Variants in CUBN observed in about 807,000 individuals in gnomAD.
CUBN encodes 460 kDa receptor.
CUBN carries 282 observed loss-of-function variants against 405.3 expected under a neutral mutation model. The observed-to-expected ratio is 0.70, with a 90% CI of 0.63 to 0.77. The LOEUF (loss-of-function observed/expected upper bound fraction) is 0.77. CUBN is among the 30% of genes least tolerant of loss of function. CUBN has a pLI of 0.00. For missense variants in CUBN, 4,514 were observed against 4,475.2 expected, an observed-to-expected ratio of 1.01 and a Z score of -0.25; for synonymous variants, 1,684 against 1,617.0, an observed-to-expected ratio of 1.04 and a Z score of -0.99.
chr10:16,971,796 T>C (rs1397620665), intron 31 of CUBN, among the ~76,000 whole-genome samples: 3 of 152,100 alleles, frequency 2.0e-5, no homozygotes, highest in African/African-American at 2.4e-5. Flanking sequence ...ACACAACTTA[T>C]ATTTCTCCAT....
At chr10:17,011,374 A>G (rs1834174958) in intron 28 of CUBN, among the ~76,000 whole-genome samples, 1 of 152,010 alleles carries the variant, frequency 6.6e-6, no homozygotes, top group African/African-American at 2.4e-5. Flanking sequence ...TTAGGAGTGA[A>G]GCTGCAGACC....
rs187412788 is a variant in CUBN, at chr10:16,950,711, T to C, written c.4970-600A>G. On this transcript the variant is annotated intron_variant, in intron 33 of 66. Coordinates refer to ENST00000377833, the MANE Select transcript of CUBN (RefSeq NM_001081.4). Reference sequence around the variant, plus strand: ...TGCTTTTGAAACTGCCTGTGGCATCTGAAACACTGGCAGTGGTAAATAAGA... The same window carrying C: ...TGCTTTTGAAACTGCCTGTGGCATCCGAAACACTGGCAGTGGTAAATAAGA... Among the ~76,000 whole-genome samples the C allele has an allele frequency of 1.3e-3, 199 of 152,344 alleles. 2 individuals carry two copies. The highest frequency in any genetic ancestry group is 3.8e-3 in the African/African-American group (158 of 41,592).
At chr10:16,827,558 A>T (rs1164063902) in intron 66 of CUBN, among the ~76,000 whole-genome samples, 3 of 152,310 alleles carry the variant, frequency 2.0e-5, no homozygotes, top group Non-Finnish European at 4.4e-5. Flanking sequence ...GGGCAGAAAA[A>T]TCAGAAACAG....
rs147373223 is a variant in CUBN at position 16,990,383 on chromosome 10, T to C, written c.4301A>G (p.His1434Arg). 45 of 1,614,084 alleles carry C rather than the reference T, an allele frequency of 2.8e-5. No individual in the cohort carries two copies. Among genetic ancestry groups the C allele is most frequent in the African/African-American group, 8.0e-5 (6 of 74,938 alleles). Residue 1434 changes from histidine to arginine, a missense_variant, in exon 29 of 67, where the codon CAT (histidine) becomes CGT (arginine). Physicochemically the swap from His to Arg is conservative, Grantham distance 29 (BLOSUM62 0). This residue lies in a region of CUBN where 1,613 missense variants were observed against 1,542.8 expected (regional missense o/e 1.05). Coordinates refer to ENST00000377833, the MANE Select transcript of CUBN (RefSeq NM_001081.4). ...TGAATGATACTCCACATCGAAGTCATGGATGGTGAGCTGAATGCTACTCCC... is the reference window on the plus strand; with the variant it reads ...TGAATGATACTCCACATCGAAGTCACGGATGGTGAGCTGAATGCTACTCCC... ...DPGSSIQLTI[H>R]DFDVEYHSRC...
chr10:16,846,648 C>T (rs12355556), intron 60 of CUBN, among the ~76,000 whole-genome samples: 6,097 of 151,926 alleles, frequency 0.04, 180 homozygotes, highest in Non-Finnish European at 0.063. Context: ...CCCGTCTCTA[C>T]TAAAAATACA....
At chr10:17,022,774 T>C (rs1312066862) in intron 27 of CUBN, among the ~76,000 whole-genome samples, 1 of 152,226 alleles carries the variant, frequency 6.6e-6, no homozygotes, top group African/African-American at 2.4e-5. Flanking sequence ...GTGGAGTAAT[T>C]AGCAAGCAAA....
chr10:17,107,494 CTTTTT>C (rs34281338), intron 10 of CUBN, among the ~76,000 whole-genome samples: 3 of 91,802 alleles, frequency 3.3e-5, no homozygotes, highest in African/African-American at 4.1e-5. Context: ...ATAAGTTGTT[CTTTTT>C]TTTTTTTTTT....
At chr10:17,006,023 C>T (rs7084057) in intron 28 of CUBN, among the ~76,000 whole-genome samples, 87,412 of 151,914 alleles carry the variant, frequency 0.58, 25,130 homozygotes, top group East Asian at 0.63. Context: ...AGGCAGCATC[C>T]GCAAGCCAAG....
rs1464073539 is a variant in CUBN, at chr10:16,828,912, A to T, written c.10657T>A (p.Phe3553Ile). 1 of 1,614,026 alleles carries T rather than the reference A, an allele frequency of 6.2e-7. No individual in the cohort carries two copies. Among genetic ancestry groups the T allele is most frequent in the African/African-American group, 1.3e-5 (1 of 74,902 alleles). Residue 3553 changes from phenylalanine to isoleucine, a missense_variant, in exon 66 of 67, where the codon TTC becomes ATC. Physicochemically the swap from Phe to Ile is conservative, Grantham distance 21. Coordinates refer to ENST00000377833, the MANE Select transcript of CUBN (RefSeq NM_001081.4). ...GGATCGTCAATGCTGATGAAGTAGA[A>T]GTTGATGGTGACAAGCCTTCCAGCA... ...APAGRLVTIN[F>I]YFISIDDPGD...
intron 17 of CUBN, 45 bp from the exon 18 acceptor site, chr10:17,072,016 T>G (rs762259425): frequency 2.2e-5 from 33 of 1,528,372 alleles, no homozygotes. Flanking sequence ...ATAAAGAAAC[T>G]TACGTCGGCA....
At chr10:17,126,127 A>C (rs536337655) in intron 4 of CUBN, among the ~76,000 whole-genome samples, 97 of 152,312 alleles carry the variant, frequency 6.4e-4, no homozygotes, top group African/African-American at 2.3e-3. Flanking sequence ...TGGAATCCCC[A>C]GATTTTTATG....
intron 28 of CUBN, among the ~76,000 whole-genome samples, chr10:17,001,268 G>A (rs1361294664): frequency 6.6e-6 from 1 of 152,190 alleles, no homozygotes; most frequent in South Asian, 2.1e-4. Flanking sequence ...AAAGAACAAA[G>A]CTTCCACAGC....
At chr10:17,017,378 G>A (rs1834354544) in intron 28 of CUBN, among the ~76,000 whole-genome samples, 1 of 152,088 alleles carries the variant, frequency 6.6e-6, no homozygotes, top group African/African-American at 2.4e-5. Context: ...AGAAAAATTG[G>A]ATTTAGTGGC....
rs370204654 is a variant in CUBN, at chr10:16,939,023, A to T, written c.5673T>A (p.His1891Gln). 4.3e-6 allele frequency: 7 copies of T among 1,613,798 alleles called. No homozygotes were observed. Among genetic ancestry groups the T allele is most frequent in the Non-Finnish European group, 5.9e-6 (7 of 1,179,854 alleles). Residue 1891 changes from histidine (H) to glutamine (Q), a missense_variant, in exon 38 of 67, where the codon CAT becomes CAA. Around this residue, in one of 5 missense-constraint regions of CUBN, gnomAD observed 1,613 missense variants for 1,542.8 expected, o/e 1.05. Coordinates refer to ENST00000377833, the MANE Select transcript of CUBN (RefSeq NM_001081.4). ...TVNVNASHVVHGRILEMDIEE... is the reference protein window; with the variant it reads ...TVNVNASHVVQGRILEMDIEE... ...CTATGTCCATCTCCAAGATTCTACCATGGACAACGTGAGATGCATTCACAT... is the reference window on the plus strand; with the variant it reads ...CTATGTCCATCTCCAAGATTCTACCTTGGACAACGTGAGATGCATTCACAT...
intron 59 of CUBN, among the ~76,000 whole-genome samples, chr10:16,863,994 G>A (rs904084391): frequency 7.9e-5 from 12 of 152,126 alleles, no homozygotes; most frequent in Non-Finnish European, 1.8e-4. Context: ...TTACCTCCCT[G>A]TGTAGAGCTT....
intron 33 of CUBN, among the ~76,000 whole-genome samples, chr10:16,950,353 GA>G (rs1227437644): frequency 4.3e-4 from 66 of 152,050 alleles, no homozygotes; most frequent in African/African-American, 1.5e-3. Flanking sequence ...TGAAGGGATG[GA>G]TACCCCATTT....
At chr10:16,971,388 C>T (rs576775676) in intron 31 of CUBN, among the ~76,000 whole-genome samples, 1 of 152,254 alleles carries the variant, frequency 6.6e-6, no homozygotes, top group Admixed American at 6.5e-5. Context: ...AGCTTCCAGC[C>T]TTGCCAGGGC....
intron 28 of CUBN, among the ~76,000 whole-genome samples, chr10:16,990,892 C>T (rs562951736): frequency 6.6e-5 from 10 of 152,224 alleles, no homozygotes; most frequent in South Asian, 2.1e-4. Flanking sequence ...GAGCCGTGGT[C>T]GTGAACTTCA....
chr10:17,088,575 T>A (rs952251843), intron 14 of CUBN, among the ~76,000 whole-genome samples: 1 of 152,226 alleles, frequency 6.6e-6, no homozygotes, highest in South Asian at 2.1e-4. Flanking sequence ...TCTGTGCTTG[T>A]GAGCCATCAC....
Sources: allele counts gnomAD v4.1 joint callset (sites outside exome capture counted in the v4.1 genomes callset), GRCh38; gene constraint gnomAD v4.1.1; regional missense constraint gnomAD v4.1.1; transcripts MANE v1.5; gene names NCBI Gene and HGNC (gene_info 2026-07-23, HGNC 2026-07-21).